OGA: variants seen among roughly 807,000 people sequenced by gnomAD.
OGA encodes the protein protein O-GlcNAcase.
OGA carries 21 observed loss-of-function variants against 102.0 expected under a neutral mutation model. That is an observed-to-expected ratio of 0.21 (90% confidence interval 0.15 to 0.30). The LOEUF is 0.30. OGA is among the 10% of genes least tolerant of loss of function. OGA has a pLI of 1.00. For synonymous variants in OGA, 408 were observed against 378.2 expected, an observed-to-expected ratio of 1.08 and a Z score of -0.91; for missense variants, 765 against 1,107.8, an observed-to-expected ratio of 0.69 and a Z score of 4.39.
At chr10:101,802,274 ACT>A (rs1239568077) in intron 7 of OGA, among the ~76,000 whole-genome samples, 3 of 151,918 alleles carry the variant, frequency 2.0e-5, no homozygotes, top group Non-Finnish European at 4.4e-5. Context: ...AAAAATAATC[ACT>A]CTCTCCCGTG....
intron 14 of OGA, 70 bp from the exon 15 acceptor site, chr10:101,787,593 T>G: frequency 2.3e-6 from 3 of 1,302,174 alleles, no homozygotes; most frequent in Non-Finnish European, 3.2e-6. Context: ...CTACAGAACT[T>G]AGCAACAAGA....
At chr10:101,816,497 A>G (rs1181538886) in intron 1 of OGA, among the ~76,000 whole-genome samples, 1 of 152,124 alleles carries the variant, frequency 6.6e-6, no homozygotes, top group Non-Finnish European at 1.5e-5. Flanking sequence ...GTTTCCTTAG[A>G]CTCATTCCAG....
At chr10:101,794,050 G>C (rs2065288581) in intron 10 of OGA, 52 bp from the exon 11 acceptor site, 1 of 1,370,246 alleles carries the variant, frequency 7.3e-7, no homozygotes, top group South Asian at 1.2e-5. Context: ...GGATTTCCTG[G>C]GGTCTCAAAT....
At chr10:101,812,018 G>A (rs1254442011) in intron 3 of OGA, among the ~76,000 whole-genome samples, 2 of 152,162 alleles carry the variant, frequency 1.3e-5, no homozygotes, top group Non-Finnish European at 2.9e-5. Context: ...TGGAGATGGG[G>A]TAAGCTGTAA....
chr10:101,790,868 A>G (rs1290124702), intron 14 of OGA, 28 bp downstream of exon 14: 2 of 1,459,838 alleles, frequency 1.4e-6, no homozygotes, highest in Non-Finnish European at 9.3e-7. Flanking sequence ...GACCATTACC[A>G]TAGTATAATT....
At chr10:101,811,406 G>GAAAA (rs67433227) in intron 3 of OGA, among the ~76,000 whole-genome samples, 32 of 45,686 alleles carry the variant, frequency 7.0e-4, no homozygotes, top group African/African-American at 8.9e-4. Context: ...GAAAAAAAAT[G>GAAAA]AAAAAAAAAA....
At chr10:101,814,015 T>C (rs1450562188) in intron 1 of OGA, among the ~76,000 whole-genome samples, 2 of 152,190 alleles carry the variant, frequency 1.3e-5, no homozygotes, top group Non-Finnish European at 2.9e-5. Context: ...CCTAGAATGA[T>C]AGTAAAACTG....
intron 14 of OGA, among the ~76,000 whole-genome samples, chr10:101,790,265 GTTTTTTTTTT>G (rs869235919): frequency 1.2e-5 from 1 of 86,392 alleles, no homozygotes; most frequent in African/African-American, 4.7e-5. Context: ...ATAATATCTT[GTTTTTTTTTT>G]TTTTTTTTTT....
chr10:101,786,739 T>C (rs754117544), intron 15 of OGA, 152 bp from the exon 16 acceptor site: 26 of 681,008 alleles, frequency 3.8e-5, no homozygotes, highest in Non-Finnish European at 5.2e-5. Context: ...AAATTCATAT[T>C]CAAAAAATTC....
chr10:101,803,449 A>G (rs1049771965), intron 7 of OGA, among the ~76,000 whole-genome samples: 28 of 124,810 alleles, frequency 2.2e-4, no homozygotes, highest in African/African-American at 7.5e-4. Flanking sequence ...GAATCATACT[A>G]AAAAAAAAAA....
chr10:101,800,500 A>G, intron 7 of OGA, 100 bp from the exon 8 acceptor site: 1 of 868,668 alleles, frequency 1.2e-6, no homozygotes, highest in Non-Finnish European at 1.7e-6. Flanking sequence ...CAGTATAACC[A>G]CAGAAACAAA....
In OGA at chr10:101,813,550, T is replaced by G; in HGVS notation, c.251+5A>C. On this transcript the variant is annotated splice_donor_5th_base_variant and intron_variant, in intron 2 of 15. Coordinates refer to ENST00000361464, the MANE Select transcript of OGA (RefSeq NM_012215.5). The stretch of plus-strand genomic sequence containing the variant: ...TCCTCTCTCCTTCATATAATGAAGA[T>G]TTACCTTCTAAAGAGTTCTTTTCTC... The G allele has an allele frequency of 6.5e-7, 1 of 1,528,242 alleles. No homozygotes were observed. The highest frequency in any genetic ancestry group is 9.0e-7 in the Non-Finnish European group (1 of 1,114,700). The allele number at this position is 1,528,242 out of a possible 1,614,324, so 94.7% of individuals were successfully genotyped here. A position where few individuals can be genotyped will look rare whatever the true frequency, so the allele number is the denominator to read the frequency against.
chr10:101,799,001 C>T lies in OGA; in HGVS notation c.1650G>A (p.Ala550=), dbSNP rs185792857. Reference sequence around the variant, plus strand: ...GCAAATCCTCCAGGGTCACTGGTTCCGCAGTGTACAAAGGCTTTTCATTTG... The same window carrying T: ...GCAAATCCTCCAGGGTCACTGGTTCTGCAGTGTACAAAGGCTTTTCATTTG... ...PGPNEKPLYT[A]EPVTLEDLQL... Residue 550 remains alanine (A), a synonymous_variant, in exon 9 of 16, where the codon GCG becomes GCA. Transcript: ENST00000361464. 1.4e-5 allele frequency: 22 copies of T among 1,614,146 alleles called. 1 individual carries two copies. The highest frequency in any genetic ancestry group is 5.0e-5 in the Admixed American group (3 of 60,012).
At chr10:101,789,510 T>C (rs558456426) in intron 14 of OGA, among the ~76,000 whole-genome samples, 1 of 151,056 alleles carries the variant, frequency 6.6e-6, no homozygotes, top group East Asian at 2.0e-4. Flanking sequence ...AAAAAATAAA[T>C]AAATAAATAA....
At position 101,785,853 on chromosome 10, in the gene OGA, G is replaced by C. The variant is rs1400995955; in HGVS notation, c.*598C>G. 6.6e-6 allele frequency: 1 copy of C among 152,252 alleles called. No individual in the cohort carries two copies. Among genetic ancestry groups the C allele is most frequent in the Admixed American group, 6.5e-5 (1 of 15,292 alleles). The allele number at this position is 152,252 out of a possible 1,614,324, so 9.4% of individuals were successfully genotyped here. A position where few individuals can be genotyped will look rare whatever the true frequency, so the allele number is the denominator to read the frequency against. On this transcript the variant is annotated 3_prime_UTR_variant, in exon 16 of 16. Transcript: ENST00000361464. ...ACAAATGCACATTTGTCCCTACAAA[G>C]TACAACATGCCTGAACCAACAGTCA...
Position 101,793,965 on chromosome 10 carries a change from A to G in OGA, c.2018T>C (p.Ile673Thr), listed in dbSNP as rs1240896400. 4 of 1,613,620 alleles carry G rather than the reference A, an allele frequency of 2.5e-6. No homozygotes were observed. The African/African-American group carries it at 5.3e-5, about 22-fold the overall frequency. Reference protein sequence around the residue: ...CRSHSSAQFLIGDQEPWAFRG... With the variant: ...CRSHSSAQFLTGDQEPWAFRG... ...AAAGGCCCAGGGTTCTTGGTCTCCA[A>G]TTAAGAATTGTGCTGAAGAATGACT... The change falls in exon 11 of 16, where the codon ATT becomes ACT. Residue 673 changes from isoleucine (I) to threonine (T), a missense_variant. Physicochemically the swap from Ile to Thr is moderately conservative, Grantham distance 89 (BLOSUM62 -1). Coordinates refer to ENST00000361464, the MANE Select transcript of OGA (RefSeq NM_012215.5).
In OGA at chr10:101,786,310, GAGTTTTACA is replaced by G; in HGVS notation, c.*132_*140del. The G allele has an allele frequency of 3.8e-6, 3 of 793,516 alleles. No individual in the cohort carries two copies. Among genetic ancestry groups the G allele is most frequent in the Admixed American group, 3.3e-5 (1 of 30,338 alleles). The allele number at this position is 793,516 out of a possible 1,614,324, so 49.2% of individuals were successfully genotyped here. ...TGAGTAGTCTCAAAGTGTGATGGGT[GAGTTTTACA>G]TAGTCTTCTTTGTTTCGAATCCAAT... On this transcript the variant is annotated 3_prime_UTR_variant, in exon 16 of 16. Coordinates refer to ENST00000361464, the MANE Select transcript of OGA (RefSeq NM_012215.5).
At chr10:101,812,534 G>A (rs2065572345) in intron 3 of OGA, among the ~76,000 whole-genome samples, 2 of 152,204 alleles carry the variant, frequency 1.3e-5, no homozygotes, top group South Asian at 2.1e-4. Flanking sequence ...TGAAGCAAAA[G>A]GAACAATCAG....
chr10:101,815,778 A>C (rs1468838127), intron 1 of OGA, among the ~76,000 whole-genome samples: 1 of 151,852 alleles, frequency 6.6e-6, no homozygotes, highest in Non-Finnish European at 1.5e-5. Flanking sequence ...GGCTCTTTTG[A>C]GAGTCAGGTT....
Sources: allele counts gnomAD v4.1 joint callset (sites outside exome capture counted in the v4.1 genomes callset), GRCh38; gene constraint gnomAD v4.1.1; transcripts MANE v1.5; gene names NCBI Gene and HGNC (gene_info 2026-07-23, HGNC 2026-07-21).